Variants in VPS28 observed in about 807,000 individuals in gnomAD.
VPS28 encodes the protein vacuolar protein sorting-associated protein 28 homolog.
In VPS28, 29 loss-of-function variants were observed where a neutral mutation model predicts 33.7. That is an observed-to-expected ratio of 0.86 (90% confidence interval 0.64 to 1.17). The LOEUF is 1.17. Among genes scored for constraint, VPS28 ranks in the 50% most tolerant of loss-of-function variants. The pLI is 0.00. For missense variants in VPS28, 247 were observed against 312.2 expected (o/e 0.79, Z 1.57); for synonymous variants, 164 against 116.7 (o/e 1.40, Z -2.61).
chr8:144,426,631 G>A (rs186898125), intron 2 of VPS28: 164 of 493,870 alleles, frequency 3.3e-4, no homozygotes, highest in African/African-American at 2.6e-3. Context: ...ACCACACACA[G>A]CCTCTCCCCT....
At chr8:144,427,627 C>T (rs1295789140) in intron 1 of VPS28, among the ~76,000 whole-genome samples, 1 of 152,122 alleles carries the variant, frequency 6.6e-6, no homozygotes, top group Non-Finnish European at 1.5e-5. Flanking sequence ...CTTGGAGGAA[C>T]CAACAAGCTG....
intron 7 of VPS28, 162 bp from the exon 8 acceptor site, chr8:144,424,430 G>A (rs1346453768): frequency 1.2e-5 from 12 of 986,452 alleles, no homozygotes; most frequent in African/African-American, 1.2e-4. Flanking sequence ...GGTCCTGGCT[G>A]CCCAGACAGC....
intron 4 of VPS28, 99 bp downstream of exon 4, chr8:144,425,927 G>A (rs577357840): frequency 4.6e-4 from 676 of 1,477,132 alleles, no homozygotes; most frequent in Non-Finnish European, 5.5e-4. Flanking sequence ...CTGACCCTGC[G>A]TCCTCCCACC....
rs781830957 is a variant in VPS28 at position 144,424,966 on chromosome 8, C to T, written c.280G>A (p.Glu94Lys). The stretch of plus-strand genomic sequence containing the variant: ...CTCACGCGGAACTTGCGGCAGAATT[C>T]GTCAATAGAGCTGATTTCTGAGCCC... ...VQGSEISSID[E>K]FCRKFRLDCP... Residue 94 changes from glutamate (E) to lysine (K), a missense_variant, in exon 6 of 10, where the codon GAA becomes AAA. Transcript: ENST00000292510. The T allele has an allele frequency of 5.7e-6, 9 of 1,568,448 alleles. No individual in the cohort carries two copies. Among genetic ancestry groups the T allele is most frequent in the Non-Finnish European group, 6.1e-6 (7 of 1,155,738 alleles).
chr8:144,426,559 G>A, intron 2 of VPS28: 1 of 422,742 alleles, frequency 2.4e-6, no homozygotes, highest in Non-Finnish European at 4.3e-6. Flanking sequence ...CCCTGGCGGA[G>A]TCACCTGCAC....
chr8:144,426,223 A>G lies in VPS28; in HGVS notation c.38-15T>C, dbSNP rs782477207. The G allele has an allele frequency of 3.8e-6, 6 of 1,596,920 alleles. No homozygotes were observed. In the East Asian group the frequency reaches 1.3e-4, roughly 36 times the overall value. ...GTTCCCAGGGGCTGCAAGAGAAGGC[A>G]GAGAGCTGGCAGGCTGGCCCCAAAG... is the stretch of plus-strand genomic sequence containing the variant. On this transcript the variant is annotated splice_polypyrimidine_tract_variant and intron_variant, in intron 2 of 9. Transcript: ENST00000292510.
chr8:144,426,038 CG>C lies in VPS28; in HGVS notation c.91del (p.Arg31GlyfsTer16). On this transcript the variant is annotated frameshift_variant, in exon 4 of 10. Coordinates refer to ENST00000292510, the MANE Select transcript of VPS28 (RefSeq NM_016208.4). LOFTEE classifies it high-confidence loss of function. Reference sequence around the variant, plus strand: ...CGCCTGGACTTACTTCTCCCTCTCCCGGGCGTTCTTGTACAACTTCACTTCC... The same window carrying C: ...CGCCTGGACTTACTTCTCCCTCTCCCGGCGTTCTTGTACAACTTCACTTCC... ...YEEVKLYKNA[R>X]EREKYDNMAE... The C allele has an allele frequency of 1.3e-6, 2 of 1,528,872 alleles. No homozygotes were observed. Among genetic ancestry groups the C allele is most frequent in the Non-Finnish European group, 1.8e-6 (2 of 1,130,956 alleles). The allele number at this position is 1,528,872 out of a possible 1,614,324, so 94.7% of individuals were successfully genotyped here. A position where few individuals can be genotyped will look rare whatever the true frequency, so the allele number is the denominator to read the frequency against.
rs372047626 is a variant in VPS28, at chr8:144,426,211, G to A, written c.38-3C>T. On this transcript the variant is annotated splice_region_variant and splice_polypyrimidine_tract_variant and intron_variant, in intron 2 of 9. Coordinates refer to ENST00000292510, the MANE Select transcript of VPS28 (RefSeq NM_016208.4). ...CAGCTCCGGCTTGTTCCCAGGGGCT[G>A]CAAGAGAAGGCAGAGAGCTGGCAGG... 3.7e-6 allele frequency: 6 copies of A among 1,600,778 alleles called. No homozygotes were observed. The African/African-American group carries it at 4.0e-5, about 11-fold the overall frequency.
intron 1 of VPS28, 130 bp from the exon 2 acceptor site, chr8:144,427,109 G>A: frequency 1.7e-6 from 1 of 574,892 alleles, no homozygotes; most frequent in Non-Finnish European, 3.0e-6. Flanking sequence ...AGACCAGCCT[G>A]GCCAACATGG....
rs200079580 is a variant in VPS28 at position 144,426,229 on chromosome 8, C to G, written c.38-21G>C. ...AGGGGCTGCAAGAGAAGGCAGAGAGCTGGCAGGCTGGCCCCAAAGGGAACC... is the reference window on the plus strand; with the variant it reads ...AGGGGCTGCAAGAGAAGGCAGAGAGGTGGCAGGCTGGCCCCAAAGGGAACC... On this transcript the variant is annotated intron_variant, in intron 2 of 9. Transcript: ENST00000292510. 2.9e-5 allele frequency: 46 copies of G among 1,587,580 alleles called. No individual in the cohort carries two copies. In the East Asian group the frequency reaches 1.0e-3, roughly 36 times the overall value.
chr8:144,427,680 T>C (rs1554877187), intron 1 of VPS28, among the ~76,000 whole-genome samples: 1 of 152,054 alleles, frequency 6.6e-6, no homozygotes, highest in African/African-American at 2.4e-5. Flanking sequence ...GGAATGAAGA[T>C]GGAGAGGTGC....
chr8:144,425,266 C>T (rs1480505577), intron 5 of VPS28: 2 of 596,372 alleles, frequency 3.4e-6, no homozygotes, highest in Non-Finnish European at 3.0e-6. Context: ...GAGACCCCGG[C>T]CCCCAACCCC....
chr8:144,425,668 G>C lies in VPS28; in HGVS notation c.194+15C>G, dbSNP rs1564719272. 2 of 1,613,392 alleles carry C rather than the reference G, an allele frequency of 1.2e-6. No homozygotes were observed. The highest frequency in any genetic ancestry group is 2.7e-5 in the African/African-American group (2 of 75,036). ...CCCAGGGCAGGAACAGACCTCCCAG[G>C]ACGTGGGCTCTTACTCGCTGGGGGA... is the stretch of plus-strand genomic sequence containing the variant. On this transcript the variant is annotated intron_variant, in intron 5 of 9. Coordinates refer to ENST00000292510, the MANE Select transcript of VPS28 (RefSeq NM_016208.4).
rs374839036 is a variant in VPS28, at chr8:144,424,266, G to C, written c.405C>G (p.Leu135=). 2 of 1,603,362 alleles carry C rather than the reference G, an allele frequency of 1.2e-6. No homozygotes were observed. Among genetic ancestry groups the C allele is most frequent in the African/African-American group, 2.7e-5 (2 of 74,574 alleles). The change falls in exon 8 of 10, where the codon CTC becomes CTG. Residue 135 remains leucine, a splice_region_variant and synonymous_variant. Coordinates refer to ENST00000292510, the MANE Select transcript of VPS28 (RefSeq NM_016208.4). ...LNRCIADVVS[L]FITVMDKLRL... is the part of the protein sequence containing the mutation. ...GCAGCTTGTCCATGACCGTGATGAA[G>C]AGCTGGGGGCAGGTGTGCACATGAG...
intron 1 of VPS28, 136 bp from the exon 2 acceptor site, chr8:144,427,115 C>A (rs1822818128): frequency 7.3e-6 from 4 of 546,684 alleles, no homozygotes; most frequent in Non-Finnish European, 1.3e-5. Context: ...GCCTGGCCAA[C>A]ATGGTGAAAC....
At chr8:144,425,096 C>A in intron 5 of VPS28, 45 bp from the exon 6 acceptor site, 1 of 1,508,994 alleles carries the variant, frequency 6.6e-7, no homozygotes, top group Non-Finnish European at 9.0e-7. Flanking sequence ...CCAGCCCCAC[C>A]CAGCTCATCC....
In VPS28 at chr8:144,424,945, C is replaced by G; in HGVS notation, c.300+1G>C. The G allele has an allele frequency of 1.9e-6, 3 of 1,584,376 alleles. No homozygotes were observed. The highest frequency in any genetic ancestry group is 1.1e-5 in the South Asian group (1 of 88,278). ...TGGGGGTGGAAGGACCAGGCACTCA[C>G]GCGGAACTTGCGGCAGAATTCGTCA... On this transcript the variant is annotated splice_donor_variant, in intron 6 of 9. Transcript: ENST00000292510. LOFTEE classifies it high-confidence loss of function.
rs782694001 is a variant in VPS28 at position 144,424,143 on chromosome 8, C to T, written c.457-11G>A. 3.2e-6 allele frequency: 5 copies of T among 1,550,894 alleles called. No homozygotes were observed. The highest frequency in any genetic ancestry group is 4.4e-6 in the Non-Finnish European group (5 of 1,145,074). ...CAGGTCGGGCTGGATCTGAGACACA[C>T]ACAGCGGCTGGGACCCCGACGCCGG... On this transcript the variant is annotated splice_polypyrimidine_tract_variant and intron_variant, in intron 8 of 9. Transcript: ENST00000292510.
At chr8:144,425,825 CCA>C (rs1354293719) in intron 4 of VPS28, 53 bp from the exon 5 acceptor site, 75 of 1,610,814 alleles carry the variant, frequency 4.7e-5, no homozygotes, top group Non-Finnish European at 6.1e-5. Context: ...AGCCTAGAGC[CCA>C]GAGTGCTACC....
Sources: gnomAD v4.1 joint callset for allele counts (sites outside exome capture counted in the v4.1 genomes callset) on GRCh38, gnomAD v4.1.1 for gene constraint, MANE v1.5 for transcripts, NCBI Gene and HGNC (gene_info 2026-07-23, HGNC 2026-07-21) for gene names.